Variants in IPP observed in about 807,000 individuals in gnomAD.
IPP encodes the protein actin-binding protein IPP.
A neutral mutation model predicts 64.1 loss-of-function variants in IPP; 41 were observed. That is an observed-to-expected ratio of 0.64 (90% confidence interval 0.50 to 0.83). IPP has a LOEUF of 0.83. Ranked by LOEUF, IPP falls within the 40% of genes least tolerant of loss-of-function variation. The pLI, the probability that IPP is intolerant of heterozygous loss-of-function variation, is 0.00. For missense variants in IPP, 649 were observed against 703.0 expected, an observed-to-expected ratio of 0.92 and a Z score of 0.87; for synonymous variants, 214 against 235.2, an observed-to-expected ratio of 0.91 and a Z score of 0.83.
chr1:45,716,802 G>C (rs907891066), intron 7 of IPP, 93 bp downstream of exon 7: 6 of 1,095,176 alleles, frequency 5.5e-6, no homozygotes, highest in Admixed American at 2.2e-5. Flanking sequence ...AATACTAACA[G>C]ACTTAAAATA....
intron 6 of IPP, 111 bp from the exon 7 acceptor site, chr1:45,717,128 CCAAAGAGGTTATCTGTT>C: frequency 4.1e-6 from 4 of 971,592 alleles, no homozygotes; most frequent in Non-Finnish European, 6.1e-6. Context: ...ATCACATGAG[CCAAAGAGGTTATCTGTT>C]CCACGATCCC....
chr1:45,715,851 T>C (rs1645651125), intron 7 of IPP, among the ~76,000 whole-genome samples: 1 of 152,102 alleles, frequency 6.6e-6, no homozygotes, highest in South Asian at 2.1e-4. Context: ...ATAAAAATAA[T>C]AAATATAAAA....
Position 45,699,503 on chromosome 1 carries a change from T to C in IPP, c.*463A>G. ...GCTTCTAGTAAATAATTTCTACAAATTTGTAAAATAGGAGTTGTCTACACT... is the reference window on the plus strand; with the variant it reads ...GCTTCTAGTAAATAATTTCTACAAACTTGTAAAATAGGAGTTGTCTACACT... On this transcript the variant is annotated 3_prime_UTR_variant, in exon 9 of 9. Coordinates refer to ENST00000396478, the MANE Select transcript of IPP (RefSeq NM_005897.3). The C allele has an allele frequency of 1.0e-6, 1 of 988,266 alleles. No homozygotes were observed. Among genetic ancestry groups the C allele is most frequent in the Non-Finnish European group, 1.2e-6 (1 of 831,608 alleles). The allele number at this position is 988,266 out of a possible 1,614,324, so 61.2% of individuals were successfully genotyped here. A position where few individuals can be genotyped will look rare whatever the true frequency, so the allele number is the denominator to read the frequency against.
intron 8 of IPP, among the ~76,000 whole-genome samples, chr1:45,710,991 C>T: frequency 7.9e-6 from 1 of 126,248 alleles, no homozygotes; most frequent in Non-Finnish European, 1.7e-5. Context: ...TGCACTCTAG[C>T]CTGGGTGACA....
At chr1:45,711,644 C>T (rs1296304145) in intron 8 of IPP, among the ~76,000 whole-genome samples, 2 of 151,502 alleles carry the variant, frequency 1.3e-5, no homozygotes, top group African/African-American at 2.4e-5. Context: ...TTCCCAGCTA[C>T]GTGGGTGGTT....
At chr1:45,738,475 G>A (rs1239970822) in intron 3 of IPP, among the ~76,000 whole-genome samples, 1 of 152,034 alleles carries the variant, frequency 6.6e-6, no homozygotes, top group Non-Finnish European at 1.5e-5. Context: ...TCAGGGATGA[G>A]TTATAGACTG....
chr1:45,746,580 C>G, intron 1 of IPP, 119 bp from the exon 2 acceptor site: 1 of 561,890 alleles, frequency 1.8e-6, no homozygotes, highest in Non-Finnish European at 3.2e-6. Context: ...CAAATAAGGA[C>G]TAAAGTGTGG....
rs1023143306 is a variant in IPP at position 45,699,783 on chromosome 1, C to A, written c.*183G>T. 1.4e-6 allele frequency: 2 copies of A among 1,394,390 alleles called. No individual in the cohort carries two copies. The highest frequency in any genetic ancestry group is 9.3e-7 in the Non-Finnish European group (1 of 1,070,804). 86.4% of individuals were successfully genotyped at this position (1,394,390 alleles called of 1,614,324 possible). On this transcript the variant is annotated 3_prime_UTR_variant, in exon 9 of 9. Coordinates refer to ENST00000396478, the MANE Select transcript of IPP (RefSeq NM_005897.3). ...GCTCAAGTGATCCTTCTGCCTCAGCCTTCCAAAGTGCTGGGATTATAGGCA... is the reference window on the plus strand; with the variant it reads ...GCTCAAGTGATCCTTCTGCCTCAGCATTCCAAAGTGCTGGGATTATAGGCA...
chr1:45,694,448 CT>C (rs1255610955), downstream of IPP: 4 of 1,536,022 alleles, frequency 2.6e-6, no homozygotes, highest in South Asian at 4.8e-5. Context: ...TTGTTAGAGT[CT>C]TGTGATCATT....
At chr1:45,725,025 A>G (rs1645794732) in intron 5 of IPP, among the ~76,000 whole-genome samples, 1 of 139,314 alleles carries the variant, frequency 7.2e-6, no homozygotes, top group Admixed American at 7.1e-5. Context: ...TGGGGGGGTC[A>G]GCCCCCCGCC....
chr1:45,727,574 C>G (rs1645846624), intron 5 of IPP, 57 bp downstream of exon 5: 1 of 1,010,288 alleles, frequency 9.9e-7, no homozygotes, highest in Non-Finnish European at 1.4e-6. Flanking sequence ...AATCATAAAG[C>G]ATATTAGAAT....
chr1:45,704,516 G>A (rs1435444653), intron 8 of IPP, among the ~76,000 whole-genome samples: 2 of 152,158 alleles, frequency 1.3e-5, no homozygotes, highest in Admixed American at 6.5e-5. Context: ...GATTACCGGC[G>A]TGAGACACCG....
Position 45,746,130 on chromosome 1 carries a change from G to A in IPP, c.282C>T (p.Phe94=). The A allele has an allele frequency of 6.2e-7, 1 of 1,611,956 alleles. No individual in the cohort carries two copies. Among genetic ancestry groups the A allele is most frequent in the Non-Finnish European group, 8.5e-7 (1 of 1,178,182 alleles). Residue 94 remains phenylalanine, a synonymous_variant, in exon 2 of 9, where the codon TTC becomes TTT. Coordinates refer to ENST00000396478, the MANE Select transcript of IPP (RefSeq NM_005897.3). ...EAGIFQILLD[F]IYTGIVNIGV... is the part of the protein sequence containing the mutation. ...ACTCATGTAACATACCTGTGTAAAT[G>A]AAATCTAGAAGTATCTGAAAGATTC...
At chr1:45,732,776 C>G (rs1570024062) in intron 3 of IPP, among the ~76,000 whole-genome samples, 1 of 152,176 alleles carries the variant, frequency 6.6e-6, no homozygotes, top group South Asian at 2.1e-4. Context: ...ACACCATTCT[C>G]CTGCCTCAGC....
chr1:45,729,792 A>C, intron 3 of IPP, 23 bp from the exon 4 acceptor site: 1 of 1,407,266 alleles, frequency 7.1e-7, no homozygotes, highest in South Asian at 1.3e-5. Flanking sequence ...TTAAAAAGAC[A>C]ATGTTTTAAA....
At chr1:45,701,628 A>G (rs1645457248) in intron 8 of IPP, among the ~76,000 whole-genome samples, 1 of 152,232 alleles carries the variant, frequency 6.6e-6, no homozygotes, top group African/African-American at 2.4e-5. Context: ...CATACTCAGA[A>G]AACAAGAAAG....
chr1:45,745,134 A>G (rs2148585072), intron 2 of IPP, among the ~76,000 whole-genome samples: 1 of 152,300 alleles, frequency 6.6e-6, no homozygotes, highest in African/African-American at 2.4e-5. Context: ...CCTGGCCTCA[A>G]GCAATCCTCT....
intron 8 of IPP, among the ~76,000 whole-genome samples, chr1:45,712,878 A>AT (rs1040236198): frequency 0.038 from 5,257 of 138,504 alleles, 107 homozygotes; most frequent in East Asian, 0.079. Flanking sequence ...AAAAAAAAAA[A>AT]ATATATATAT....
At chr1:45,737,457 C>A (rs895073076) in intron 3 of IPP, among the ~76,000 whole-genome samples, 1 of 121,252 alleles carries the variant, frequency 8.2e-6, no homozygotes, top group Admixed American at 8.4e-5. Flanking sequence ...ATAAACAATT[C>A]TTTTTTTTTT....
Sources: gnomAD v4.1 joint callset for allele counts (sites outside exome capture counted in the v4.1 genomes callset) on GRCh38, gnomAD v4.1.1 for gene constraint, MANE v1.5 for transcripts, NCBI Gene and HGNC (gene_info 2026-07-23, HGNC 2026-07-21) for gene names.